The following ADAMTS12 variants were observed in gnomAD, a reference collection of about 807,000 sequenced individuals.
ADAMTS12 encodes A disintegrin and metalloproteinase with thrombospondin motifs 12.
A neutral mutation model predicts 167.8 loss-of-function variants in ADAMTS12; 118 were observed. That is an observed-to-expected ratio of 0.70 (90% confidence interval 0.61 to 0.82). The LOEUF (loss-of-function observed/expected upper bound fraction) is 0.82. Among genes scored for constraint, ADAMTS12 ranks in the 40% least tolerant of loss-of-function variants. ADAMTS12 has a pLI of 0.00. For missense variants in ADAMTS12, 1,916 were observed against 1,998.8 expected, an observed-to-expected ratio of 0.96 and a Z score of 0.79; for synonymous variants, 704 against 716.9, an observed-to-expected ratio of 0.98 and a Z score of 0.29.
At position 33,624,248 on chromosome 5, in the gene ADAMTS12, T is replaced by C; in HGVS notation, c.2126A>G (p.Lys709Arg). 6.2e-7 allele frequency: 1 copy of C among 1,614,118 alleles called. No homozygotes were observed. The highest frequency in any genetic ancestry group is 8.5e-7 in the Non-Finnish European group (1 of 1,179,962). ...TTTATTACCAGATCCTTCCTTCTGCTTAAACATCTTTCTCACAGTCTGGCA... is the reference window on the plus strand; with the variant it reads ...TTTATTACCAGATCCTTCCTTCTGCCTAAACATCTTTCTCACAGTCTGGCA... ...SSCQTVRKMF[K>R]QKEGSGYVDI... Residue 709 changes from lysine to arginine, a missense_variant, in exon 14 of 24, where the codon AAG (lysine) becomes AGG (arginine). Coordinates refer to ENST00000504830, the MANE Select transcript of ADAMTS12 (RefSeq NM_030955.4).
At chr5:33,767,604 T>C (rs992036035) in intron 2 of ADAMTS12, among the ~76,000 whole-genome samples, 11 of 152,180 alleles carry the variant, frequency 7.2e-5, no homozygotes. Context: ...TACAAATAGC[T>C]TGGATGTTTT....
At chr5:33,691,717 A>G (rs1344131877) in intron 3 of ADAMTS12, among the ~76,000 whole-genome samples, 1 of 152,204 alleles carries the variant, frequency 6.6e-6, no homozygotes, top group Non-Finnish European at 1.5e-5. Flanking sequence ...AGGACCTTCC[A>G]AAGACAAGAC....
At chr5:33,622,120 A>T (rs1434217321) in intron 14 of ADAMTS12, among the ~76,000 whole-genome samples, 1 of 152,136 alleles carries the variant, frequency 6.6e-6, no homozygotes, top group Non-Finnish European at 1.5e-5. Context: ...AGGTATTGAG[A>T]TCTTGGAGGC....
At chr5:33,726,145 T>C (rs1472234018) in intron 3 of ADAMTS12, among the ~76,000 whole-genome samples, 1 of 152,212 alleles carries the variant, frequency 6.6e-6, no homozygotes, top group African/African-American at 2.4e-5. Context: ...AACAAAGATC[T>C]GGGTGTCCAG....
intron 2 of ADAMTS12, among the ~76,000 whole-genome samples, chr5:33,878,794 A>G (rs913079509): frequency 3.3e-5 from 5 of 152,296 alleles, no homozygotes; most frequent in African/African-American, 9.6e-5. Flanking sequence ...CTCTCAGACC[A>G]ATTAAATCAA....
chr5:33,811,851 T>C lies in ADAMTS12; in HGVS notation c.490-60303A>G, dbSNP rs961096318. ...AAGGTGTCCTGGACCAGGACGGTTC[T>C]GGTGGAGGAGGAGAGAGTGGTTGGA... is the stretch of plus-strand genomic sequence containing the variant. On this transcript the variant is annotated intron_variant, in intron 2 of 23. Coordinates refer to ENST00000504830, the MANE Select transcript of ADAMTS12 (RefSeq NM_030955.4). Among the ~76,000 whole-genome samples the C allele has an allele frequency of 3.9e-5, 6 of 152,272 alleles. 1 individual carries two copies. The highest frequency in any genetic ancestry group is 3.9e-4 in the Admixed American group (6 of 15,300).
At chr5:33,546,849 A>C (rs1579648034) in intron 21 of ADAMTS12, among the ~76,000 whole-genome samples, 1 of 152,362 alleles carries the variant, frequency 6.6e-6, no homozygotes, top group East Asian at 1.9e-4. Context: ...ATGTTTGAAA[A>C]GTTCCTAGAG....
At chr5:33,731,459 A>G (rs1477637341) in intron 3 of ADAMTS12, among the ~76,000 whole-genome samples, 1 of 152,114 alleles carries the variant, frequency 6.6e-6, no homozygotes, top group Non-Finnish European at 1.5e-5. Context: ...CTTCATTCAG[A>G]TGTGTTCAGG....
intron 19 of ADAMTS12, among the ~76,000 whole-genome samples, chr5:33,574,425 T>C (rs1278052040): frequency 2.0e-5 from 3 of 152,092 alleles, no homozygotes; most frequent in Admixed American, 2.0e-4. Context: ...TCATAAAAAA[T>C]GATGAGTTCA....
intron 2 of ADAMTS12, among the ~76,000 whole-genome samples, chr5:33,759,486 G>T (rs2112405699): frequency 6.6e-6 from 1 of 152,248 alleles, no homozygotes; most frequent in South Asian, 2.1e-4. Flanking sequence ...TGACAAAATG[G>T]TTTTTGCTGA....
At chr5:33,824,024 T>A (rs1418562835) in intron 2 of ADAMTS12, among the ~76,000 whole-genome samples, 1 of 152,150 alleles carries the variant, frequency 6.6e-6, no homozygotes, top group Non-Finnish European at 1.5e-5. Flanking sequence ...TATACCCCAA[T>A]AAAGCTTGTT....
intron 16 of ADAMTS12, among the ~76,000 whole-genome samples, chr5:33,599,750 T>C (rs1738094019): frequency 5.3e-5 from 8 of 152,194 alleles, no homozygotes. Flanking sequence ...CCTAAACTAT[T>C]CATCTTCAGT....
intron 8 of ADAMTS12, 91 bp from the exon 9 acceptor site, chr5:33,649,057 T>A: frequency 6.7e-7 from 1 of 1,483,278 alleles, no homozygotes; most frequent in Non-Finnish European, 9.1e-7. Context: ...TCTGGTTTAC[T>A]CTTTGTCCTT....
At chr5:33,668,735 T>C (rs1741565356) in intron 5 of ADAMTS12, among the ~76,000 whole-genome samples, 1 of 152,166 alleles carries the variant, frequency 6.6e-6, no homozygotes, top group African/African-American at 2.4e-5. Context: ...CCATCTGCCT[T>C]GGCCTCCCAA....
chr5:33,690,330 T>C (rs10472885), intron 3 of ADAMTS12, among the ~76,000 whole-genome samples: 6,763 of 152,256 alleles, frequency 0.044, 311 homozygotes, highest in East Asian at 0.17. Context: ...AAACTGGCCA[T>C]TGTTGAAGTA....
chr5:33,571,236 C>T (rs998320620), intron 19 of ADAMTS12, among the ~76,000 whole-genome samples: 2 of 152,072 alleles, frequency 1.3e-5, no homozygotes, highest in African/African-American at 2.4e-5. Context: ...CAGCTCTGCA[C>T]CAAGTGGACC....
At chr5:33,822,363 T>C (rs1279327514) in intron 2 of ADAMTS12, among the ~76,000 whole-genome samples, 1 of 152,166 alleles carries the variant, frequency 6.6e-6, no homozygotes, top group African/African-American at 2.4e-5. Flanking sequence ...AGCACAGCCC[T>C]GGGAGGAAGA....
At chr5:33,760,048 G>A (rs1044900566) in intron 2 of ADAMTS12, among the ~76,000 whole-genome samples, 5 of 152,150 alleles carry the variant, frequency 3.3e-5, no homozygotes, top group African/African-American at 7.2e-5. Flanking sequence ...CAAATCTAGC[G>A]TGAGACCCGG....
intron 18 of ADAMTS12, among the ~76,000 whole-genome samples, chr5:33,582,977 C>T (rs1023914857): frequency 6.6e-5 from 10 of 152,124 alleles, no homozygotes; most frequent in South Asian, 2.1e-4. Flanking sequence ...TTTTATCCTT[C>T]GAGTTACAAA....
Sources: allele counts gnomAD v4.1 joint callset (sites outside exome capture counted in the v4.1 genomes callset), GRCh38; gene constraint gnomAD v4.1.1; transcripts MANE v1.5; gene names NCBI Gene and HGNC (gene_info 2026-07-23, HGNC 2026-07-21).